PRICKLE2: variants seen among roughly 807,000 people sequenced by gnomAD.
PRICKLE2 encodes prickle-like protein 2.
PRICKLE2 carries 21 observed loss-of-function variants against 81.4 expected under a neutral mutation model. The ratio of observed to expected loss-of-function variants is 0.26; its 90% confidence interval spans 0.18 to 0.37. The LOEUF (loss-of-function observed/expected upper bound fraction) is 0.37, where lower values mean the gene tolerates loss of function less well. Among genes scored for constraint, PRICKLE2 ranks in the 10% least tolerant of loss-of-function variants. PRICKLE2 has a pLI of 1.00. For missense variants in PRICKLE2, 940 were observed against 1,109.0 expected, an observed-to-expected ratio of 0.85 and a Z score of 2.16; for synonymous variants, 456 against 421.5, an observed-to-expected ratio of 1.08 and a Z score of -1.00.
intron 7 of PRICKLE2, among the ~76,000 whole-genome samples, chr3:64,128,541 T>A (rs948774846): frequency 3.3e-5 from 5 of 151,440 alleles, no homozygotes. Flanking sequence ...AGGTCAGGAG[T>A]TCGAGACCAG....
chr3:64,187,981 T>C (rs1161715249), intron 2 of PRICKLE2, among the ~76,000 whole-genome samples: 1 of 152,210 alleles, frequency 6.6e-6, no homozygotes, highest in Non-Finnish European at 1.5e-5. Context: ...AAAAGCATCT[T>C]GAGTTTTCCT....
At chr3:64,195,280 G>A (rs1272844560) in intron 2 of PRICKLE2, among the ~76,000 whole-genome samples, 2 of 152,258 alleles carry the variant, frequency 1.3e-5, no homozygotes, top group East Asian at 3.9e-4. Context: ...AAAAGGCTGG[G>A]TTTTACAGCT....
At chr3:64,195,209 A>G (rs1313697417) in intron 2 of PRICKLE2, among the ~76,000 whole-genome samples, 1 of 152,216 alleles carries the variant, frequency 6.6e-6, no homozygotes, top group Non-Finnish European at 1.5e-5. Flanking sequence ...TAGAGATCAC[A>G]AGATAAATGC....
At chr3:64,252,678 A>G (rs185623994) in intron 2 of PRICKLE2, among the ~76,000 whole-genome samples, 2 of 152,200 alleles carry the variant, frequency 1.3e-5, no homozygotes, top group Admixed American at 6.5e-5. Context: ...GAGTCAGGAA[A>G]CTTTTGTGAA....
intron 1 of PRICKLE2, 185 bp from the exon 2 acceptor site, chr3:64,199,152 A>G (rs2107115993): frequency 1.6e-6 from 1 of 635,696 alleles, no homozygotes; most frequent in East Asian, 2.7e-5. Flanking sequence ...TGGTACACGC[A>G]TGTGAAAACA....
At chr3:64,179,366 G>T (rs760006608) in intron 2 of PRICKLE2, among the ~76,000 whole-genome samples, 1 of 152,040 alleles carries the variant, frequency 6.6e-6, no homozygotes, top group Non-Finnish European at 1.5e-5. Flanking sequence ...GTGAGCCACC[G>T]TGCCTGGCCT....
rs1422829079 is a variant in PRICKLE2, at chr3:64,099,287, G to A, written c.2299C>T (p.Pro767Ser). ...CACCAATCATACTCGGCGAAGTAGG[G>A]TCCCCAGCGGTCCCCAAAGGCATTC... is the stretch of plus-strand genomic sequence containing the variant. ...LQNAFGDRWG[P>S]YFAEYDWCST... The change falls in exon 8 of 8, where the codon CCC (proline) becomes TCC (serine). Residue 767 changes from proline to serine, a missense_variant. Physicochemically the swap from Pro to Ser is moderately conservative, Grantham distance 74 (BLOSUM62 -1). This residue lies in a region of PRICKLE2 where 670 missense variants were observed against 717.2 expected (regional missense o/e 0.93). Coordinates refer to ENST00000638394, the MANE Select transcript of PRICKLE2 (RefSeq NM_198859.4). This position sits in a 1 kb window ranked among gnomAD's most constrained non-coding sequence, Gnocchi z 4.3. 6.2e-7 allele frequency: 1 copy of A among 1,614,158 alleles called. No individual in the cohort carries two copies. The highest frequency in any genetic ancestry group is 8.5e-7 in the Non-Finnish European group (1 of 1,180,032).
At chr3:64,136,094 T>C (rs935040260) in intron 7 of PRICKLE2, among the ~76,000 whole-genome samples, 1 of 152,212 alleles carries the variant, frequency 6.6e-6, no homozygotes, top group South Asian at 2.1e-4. Flanking sequence ...TAATGTGCTC[T>C]TAACTTACTA....
intron 1 of PRICKLE2, among the ~76,000 whole-genome samples, chr3:64,211,864 A>G (rs1032207302): frequency 1.3e-5 from 2 of 152,192 alleles, no homozygotes; most frequent in Non-Finnish European, 2.9e-5. Flanking sequence ...AGGAAAAAAG[A>G]TAATGAAAAA....
chr3:64,174,006 G>C (rs1400592577), intron 2 of PRICKLE2, among the ~76,000 whole-genome samples: 1 of 152,126 alleles, frequency 6.6e-6, no homozygotes, highest in African/African-American at 2.4e-5. Context: ...GTTAAACATA[G>C]TGTAGTTCCC....
At chr3:64,161,288 C>G (rs1366063502) in intron 3 of PRICKLE2, among the ~76,000 whole-genome samples, 1 of 152,110 alleles carries the variant, frequency 6.6e-6, no homozygotes, top group East Asian at 1.9e-4. Flanking sequence ...ATGTATATAC[C>G]ACACTTTGGG....
intron 1 of PRICKLE2, 81 bp from the exon 2 acceptor site, chr3:64,199,048 G>T: frequency 7.6e-7 from 1 of 1,323,198 alleles, no homozygotes; most frequent in Non-Finnish European, 1.1e-6. Context: ...ACTAGCCCCT[G>T]GATCCCAAAC....
At chr3:64,135,713 C>G (rs1456050905) in intron 7 of PRICKLE2, among the ~76,000 whole-genome samples, 1 of 151,662 alleles carries the variant, frequency 6.6e-6, no homozygotes, top group Admixed American at 6.6e-5. Context: ...CACACACACA[C>G]ACACACACAC....
chr3:64,173,022 G>C (rs1055398281), intron 2 of PRICKLE2, among the ~76,000 whole-genome samples: 1 of 152,268 alleles, frequency 6.6e-6, no homozygotes, highest in Non-Finnish European at 1.5e-5. Context: ...TCTGTGATAC[G>C]CAAGTGTAAG....
intron 7 of PRICKLE2, among the ~76,000 whole-genome samples, chr3:64,108,449 T>G (rs191151049): frequency 6.6e-6 from 1 of 152,064 alleles, no homozygotes; most frequent in Non-Finnish European, 1.5e-5. Flanking sequence ...ATCTGGGCAG[T>G]GGAGCTTAAA....
chr3:64,131,910 C>T (rs977691548), intron 7 of PRICKLE2, among the ~76,000 whole-genome samples: 2 of 152,164 alleles, frequency 1.3e-5, no homozygotes, highest in African/African-American at 4.8e-5. Flanking sequence ...CAGAGGGATA[C>T]CAGGAGGTGG....
At chr3:64,121,670 C>T (rs1437866072) in intron 7 of PRICKLE2, among the ~76,000 whole-genome samples, 4 of 152,098 alleles carry the variant, frequency 2.6e-5, no homozygotes, top group Admixed American at 6.5e-5. Context: ...AGTTTTTTGG[C>T]ACCCCTTTAA....
In PRICKLE2 at chr3:64,096,271, A is replaced by G. The variant is rs1220294976; in HGVS notation, c.*2780T>C. On this transcript the variant is annotated 3_prime_UTR_variant, in exon 8 of 8. Transcript: ENST00000638394. ...AATTATGATCTAAGAGGAAGTGAGT[A>G]CAGGCCCTACTCACAGGAGGAGCTT... 3 of 152,222 alleles carry G rather than the reference A, an allele frequency of 2.0e-5. No individual in the cohort carries two copies. The highest frequency in any genetic ancestry group is 4.4e-5 in the Non-Finnish European group (3 of 68,042). 9.4% of individuals were successfully genotyped at this position (152,222 alleles called of 1,614,324 possible).
intron 2 of PRICKLE2, among the ~76,000 whole-genome samples, chr3:64,179,702 A>G (rs1011451597): frequency 2.0e-5 from 3 of 152,212 alleles, no homozygotes; most frequent in Non-Finnish European, 4.4e-5. Context: ...GCAAATGACC[A>G]TGAAAGTGCT....
Sources: gnomAD v4.1 joint callset for allele counts (sites outside exome capture counted in the v4.1 genomes callset) on GRCh38, gnomAD v4.1.1 for gene constraint, gnomAD v4.1.1 regional missense constraint, Gnocchi (gnomAD v3.1) non-coding constraint, MANE v1.5 for transcripts, NCBI Gene and HGNC (gene_info 2026-07-23, HGNC 2026-07-21) for gene names.